The following ST8SIA4 variants were observed in gnomAD, a reference collection of about 807,000 sequenced individuals.
ST8SIA4 encodes ST8 alpha-N-acetyl-neuraminide alpha-2,8-sialyltransferase 4, also known as CMP-N-acetylneuraminate-poly-alpha-2,8-sialyltransferase.
ST8SIA4 carries 15 observed loss-of-function variants against 33.9 expected under a neutral mutation model. That is an observed-to-expected ratio of 0.44 (90% CI 0.30 to 0.68). The LOEUF is 0.68. ST8SIA4 is among the 30% of genes least tolerant of loss of function. The pLI is 0.10. For synonymous variants in ST8SIA4, 171 were observed against 151.2 expected, an observed-to-expected ratio of 1.13 and a Z score of -0.96; for missense variants, 321 against 428.0, an observed-to-expected ratio of 0.75 and a Z score of 2.21.
intron 4 of ST8SIA4, among the ~76,000 whole-genome samples, chr5:100,852,805 G>A (rs917510913): frequency 1.3e-5 from 2 of 152,102 alleles, no homozygotes; most frequent in Admixed American, 6.5e-5. Context: ...AGTTAGTAAG[G>A]AATCACAGTT....
chr5:100,849,536 C>G, intron 4 of ST8SIA4: 1 of 835,032 alleles, frequency 1.2e-6, no homozygotes, highest in Non-Finnish European at 1.4e-6. Flanking sequence ...AATCCCCGCA[C>G]TTTGGGAGGC....
chr5:100,823,706 T>C (rs1403987763), intron 4 of ST8SIA4, among the ~76,000 whole-genome samples: 1 of 152,372 alleles, frequency 6.6e-6, no homozygotes, highest in East Asian at 1.9e-4. Flanking sequence ...TTGGACTTGA[T>C]ACATTTTAGA....
At chr5:100,832,265 G>T (rs1182655886) in intron 4 of ST8SIA4, among the ~76,000 whole-genome samples, 1 of 151,906 alleles carries the variant, frequency 6.6e-6, no homozygotes, top group Admixed American at 6.6e-5. Context: ...CTCTATTGGG[G>T]CACCACAGTG....
chr5:100,825,710 T>C (rs147256460), intron 4 of ST8SIA4, among the ~76,000 whole-genome samples: 1 of 152,348 alleles, frequency 6.6e-6, no homozygotes, highest in Non-Finnish European at 1.5e-5. Context: ...AAGGAAAATA[T>C]ATATTATTTA....
At chr5:100,818,379 G>A (rs532891463) in intron 4 of ST8SIA4, among the ~76,000 whole-genome samples, 1 of 152,084 alleles carries the variant, frequency 6.6e-6, no homozygotes, top group African/African-American at 2.4e-5. Context: ...TTTTTTCAAA[G>A]GTAAATAAGA....
intron 3 of ST8SIA4, among the ~76,000 whole-genome samples, chr5:100,860,728 G>GA (rs1178710903): frequency 6.6e-6 from 1 of 152,194 alleles, no homozygotes; most frequent in Non-Finnish European, 1.5e-5. Flanking sequence ...CAGGACAGGA[G>GA]TTTTAACTGA....
intron 4 of ST8SIA4, among the ~76,000 whole-genome samples, chr5:100,831,926 C>T (rs992200894): frequency 6.6e-6 from 1 of 152,008 alleles, no homozygotes; most frequent in Non-Finnish European, 1.5e-5. Flanking sequence ...ATATTGTATG[C>T]AAGTCAAAAA....
intron 4 of ST8SIA4, among the ~76,000 whole-genome samples, chr5:100,853,622 AT>A (rs1410826944): frequency 6.6e-6 from 1 of 152,226 alleles, no homozygotes; most frequent in African/African-American, 2.4e-5. Flanking sequence ...AGTAGTTTAT[AT>A]TTATAATGGT....
At chr5:100,828,315 C>A (rs1353947887) in intron 4 of ST8SIA4, among the ~76,000 whole-genome samples, 1 of 152,172 alleles carries the variant, frequency 6.6e-6, no homozygotes, top group East Asian at 1.9e-4. Context: ...TTCAGAGTTC[C>A]TCTTTTGTGC....
chr5:100,866,186 A>T (rs1269244087), intron 3 of ST8SIA4, among the ~76,000 whole-genome samples: 1 of 152,184 alleles, frequency 6.6e-6, no homozygotes, highest in Non-Finnish European at 1.5e-5. Context: ...CAATGAATTT[A>T]TCACACTGTG....
chr5:100,858,495 C>CGA (rs1328354286), intron 3 of ST8SIA4, among the ~76,000 whole-genome samples: 1 of 151,906 alleles, frequency 6.6e-6, no homozygotes, highest in Non-Finnish European at 1.5e-5. Flanking sequence ...GGAAAAAAAT[C>CGA]ACTCAATTAC....
chr5:100,834,046 G>T (rs1580454609), intron 4 of ST8SIA4, among the ~76,000 whole-genome samples: 1 of 152,076 alleles, frequency 6.6e-6, no homozygotes, highest in East Asian at 1.9e-4. Context: ...AAGAGATTAG[G>T]ATATCATCTT....
At position 100,812,061 on chromosome 5, in the gene ST8SIA4, G is replaced by A; in HGVS notation, c.866C>T (p.Thr289Ile). 1.9e-6 allele frequency: 3 copies of A among 1,614,106 alleles called. 1 individual carries two copies. The South Asian group carries it at 3.3e-5, about 18-fold the overall frequency. ...STGLLMYTLA[T>I]RFCDEIHLYG... ...CAGGTGAATTTCATCACAGAATCTT[G>A]TGGCAAGTGTATACATGAGAAGACC... The change falls in exon 5 of 5, where the codon ACA (threonine) becomes ATA (isoleucine). Residue 289 changes from threonine to isoleucine, a missense_variant. Coordinates refer to ENST00000231461, the MANE Select transcript of ST8SIA4 (RefSeq NM_005668.6).
chr5:100,859,069 G>A (rs1368722453), intron 3 of ST8SIA4, among the ~76,000 whole-genome samples: 1 of 152,020 alleles, frequency 6.6e-6, no homozygotes, highest in East Asian at 1.9e-4. Context: ...TTAGCTGAAT[G>A]CCACTTATTT....
intron 3 of ST8SIA4, among the ~76,000 whole-genome samples, chr5:100,879,066 T>C (rs1271558602): frequency 1.3e-5 from 2 of 152,182 alleles, no homozygotes; most frequent in East Asian, 1.9e-4. Flanking sequence ...AGTAAAAATA[T>C]AGAACAAATC....
intron 4 of ST8SIA4, among the ~76,000 whole-genome samples, chr5:100,852,882 G>T (rs1299583953): frequency 1.3e-5 from 2 of 152,176 alleles, no homozygotes; most frequent in Admixed American, 1.3e-4. Flanking sequence ...GATCCTCACT[G>T]TGTTCAGGAA....
chr5:100,881,309 T>C (rs1752418486), intron 3 of ST8SIA4, among the ~76,000 whole-genome samples: 1 of 152,238 alleles, frequency 6.6e-6, no homozygotes, highest in Non-Finnish European at 1.5e-5. Flanking sequence ...AGAAAGTTAG[T>C]ATTTTGTGTG....
intron 4 of ST8SIA4, among the ~76,000 whole-genome samples, chr5:100,852,486 ATG>A (rs5869930): frequency 0.9 from 137,262 of 151,694 alleles, 62,779 homozygotes; most frequent in Middle Eastern, 0.98. Context: ...AATGCAGCCC[ATG>A]TGTGGGGCTT....
At position 100,822,493 on chromosome 5, in the gene ST8SIA4, T is replaced by C. The variant is rs2112405114; in HGVS notation, c.798-10364A>G. 2.0e-5 allele frequency among the ~76,000 whole-genome samples: 3 copies of C among 152,372 alleles called. No homozygotes were observed. In the East Asian group the frequency reaches 5.8e-4, roughly 29 times the overall value. ...GTCCTTGCAATGTCTGTGTTTCAGA[T>C]TCCTGATCTCTAAATTTGGGTAAAA... is the stretch of plus-strand genomic sequence containing the variant. On this transcript the variant is annotated intron_variant, in intron 4 of 4. Coordinates refer to ENST00000231461, the MANE Select transcript of ST8SIA4 (RefSeq NM_005668.6).
Sources: allele counts gnomAD v4.1 joint callset (sites outside exome capture counted in the v4.1 genomes callset), GRCh38; gene constraint gnomAD v4.1.1; transcripts MANE v1.5; gene names NCBI Gene and HGNC (gene_info 2026-07-23, HGNC 2026-07-21).